The following UPRT variants were observed in gnomAD, a reference collection of about 807,000 sequenced individuals.
UPRT encodes the protein uracil phosphoribosyltransferase homolog, also known as RP11-311P8.3.
In UPRT, 5 loss-of-function variants were observed where a neutral mutation model predicts 22.6. That is an observed-to-expected ratio of 0.22 (90% CI 0.12 to 0.47). The LOEUF (loss-of-function observed/expected upper bound fraction) is 0.47, where lower values mean the gene tolerates loss of function less well. Among genes scored for constraint, UPRT ranks in the 20% least tolerant of loss-of-function variants. The pLI, the probability that UPRT is intolerant of heterozygous loss-of-function variation, is 0.99. For missense variants in UPRT, 181 were observed against 239.9 expected (o/e 0.75, Z 1.62); for synonymous variants, 77 against 87.7 (o/e 0.88, Z 0.68).
At chrX:75,284,704 G>T (rs778730432) in intron 1 of UPRT, among the ~76,000 whole-genome samples, 8 of 111,222 alleles carry the variant, frequency 7.2e-5, no homozygotes, top group African/African-American at 9.8e-5. Context: ...GAGGTGGCAG[G>T]GGGGGGTGCA....
intron 4 of UPRT, among the ~76,000 whole-genome samples, chrX:75,204,831 G>T (rs1217498005): frequency 1.8e-5 from 2 of 111,343 alleles, no homozygotes; most frequent in Non-Finnish European, 3.8e-5. Context: ...AGAAAGAGGG[G>T]AGTGTGACTG....
At chrX:75,216,829 A>C (rs2082394424) in intron 4 of UPRT, among the ~76,000 whole-genome samples, 1 of 112,131 alleles carries the variant, frequency 8.9e-6, no homozygotes, top group Non-Finnish European at 1.9e-5. Flanking sequence ...ATCTCGGCTC[A>C]CTGCAAGCTC....
intron 4 of UPRT, among the ~76,000 whole-genome samples, chrX:75,265,570 TA>T (rs1175268700): frequency 8.9e-6 from 1 of 111,937 alleles, no homozygotes; most frequent in Admixed American, 9.5e-5. Flanking sequence ...TTATTCTAGT[TA>T]TCCATTTGTC....
chrX:75,194,253 T>G (rs2082325673), intron 4 of UPRT, among the ~76,000 whole-genome samples: 1 of 112,058 alleles, frequency 8.9e-6, no homozygotes. Context: ...ATTCCTGAAT[T>G]GCATGCTCTA....
rs367590742 is a variant in UPRT at position 75,206,672 on chromosome X, A to AT, written c.-447+38803dup. ...ATGCTGGGAAAAATGGGCAATAATG[A>AT]TTTTTTTTTTGAGATGGAGTCTTGC... On this transcript the variant is annotated intron_variant, in intron 4 of 13. Coordinates refer to the UPRT transcript ENST00000652605. Among the ~76,000 whole-genome samples, 488 of 107,063 alleles carry AT rather than the reference A, an allele frequency of 4.6e-3. 2 individuals are homozygous for AT. Among genetic ancestry groups the AT allele is most frequent in the African/African-American group, 0.015 (453 of 29,421 alleles). The allele number at this position is 107,063 out of a possible 115,157, so 93.0% of individuals were successfully genotyped here. A position where few individuals can be genotyped will look rare whatever the true frequency, so the allele number is the denominator to read the frequency against.
intron 4 of UPRT, among the ~76,000 whole-genome samples, chrX:75,188,200 T>C (rs1413117412): frequency 8.9e-6 from 1 of 111,953 alleles, no homozygotes; most frequent in Admixed American, 9.5e-5. Flanking sequence ...AGAAGGTTTT[T>C]GGTGTGGATG....
chrX:75,251,611 G>T (rs759036581), intron 4 of UPRT, among the ~76,000 whole-genome samples: 1 of 111,599 alleles, frequency 9.0e-6, no homozygotes, highest in Non-Finnish European at 1.9e-5. Context: ...TAGGAAGAAT[G>T]AATGTCGTGA....
intron 1 of UPRT, among the ~76,000 whole-genome samples, chrX:75,159,770 A>ATTTTT (rs35651743): frequency 2.2e-4 from 10 of 46,321 alleles, no homozygotes; most frequent in Non-Finnish European, 2.8e-4. Flanking sequence ...CTTGCCTTAA[A>ATTTTT]TTTTTTTTTT....
chrX:75,163,992 A>G lies in UPRT; in HGVS notation c.-521+767A>G, dbSNP rs1022708754. Reference sequence around the variant, plus strand: ...CAGGAGTTCAAGACCAGCCTGGCCAACATGGCGAAACCCCATCTCTACTAA... The same window carrying G: ...CAGGAGTTCAAGACCAGCCTGGCCAGCATGGCGAAACCCCATCTCTACTAA... On this transcript the variant is annotated intron_variant, in intron 3 of 13. Transcript: ENST00000652605. Among the ~76,000 whole-genome samples, 21 of 111,194 alleles carry G rather than the reference A, an allele frequency of 1.9e-4. No individual in the cohort carries two copies. The Admixed American group carries it at 2.0e-3, about 11-fold the overall frequency.
intron 4 of UPRT, among the ~76,000 whole-genome samples, chrX:75,168,946 T>C (rs1049112190): frequency 1.8e-5 from 2 of 111,949 alleles, no homozygotes; most frequent in African/African-American, 3.2e-5. Flanking sequence ...CCTTTTCCCC[T>C]GAATCTCCAA....
intron 4 of UPRT, among the ~76,000 whole-genome samples, chrX:75,229,116 C>A (rs962397219): frequency 1.8e-5 from 2 of 111,758 alleles, no homozygotes; most frequent in African/African-American, 3.2e-5. Flanking sequence ...AATAATACTG[C>A]GCTGTAGACT....
chrX:75,230,389 C>CA (rs1461127209), intron 4 of UPRT, among the ~76,000 whole-genome samples: 2 of 111,141 alleles, frequency 1.8e-5, no homozygotes, highest in Non-Finnish European at 3.8e-5. Context: ...CACCCATCAA[C>CA]AAAAAACCCT....
At chrX:75,232,848 GA>G (rs1242691243) in intron 4 of UPRT, among the ~76,000 whole-genome samples, 1 of 111,754 alleles carries the variant, frequency 8.9e-6, no homozygotes, top group South Asian at 3.8e-4. Context: ...AAACAGAGCA[GA>G]AAAACTGGAA....
At chrX:75,288,697 G>A (rs1044357368) in intron 1 of UPRT, among the ~76,000 whole-genome samples, 1 of 111,347 alleles carries the variant, frequency 9.0e-6, no homozygotes, top group African/African-American at 3.3e-5. Flanking sequence ...AATAATAACA[G>A]CCATATATCT....
chrX:75,295,249 T>G (rs1043589492), intron 2 of UPRT, among the ~76,000 whole-genome samples: 8 of 110,946 alleles, frequency 7.2e-5, no homozygotes, highest in African/African-American at 2.6e-4. Context: ...TCTTCTGATT[T>G]TATGCACTCC....
intron 4 of UPRT, among the ~76,000 whole-genome samples, chrX:75,182,092 C>T (rs2082271927): frequency 8.9e-6 from 1 of 112,002 alleles, no homozygotes; most frequent in African/African-American, 3.2e-5. Context: ...TTTTCTGCAT[C>T]TATTGAGATG....
intron 4 of UPRT, among the ~76,000 whole-genome samples, chrX:75,216,967 G>A (rs1334833778): frequency 1.8e-5 from 2 of 111,603 alleles, no homozygotes; most frequent in East Asian, 5.7e-4. Context: ...TGTTAGCCAG[G>A]ATGGTCTCGA....
At chrX:75,223,203 G>A (rs906336443) in intron 4 of UPRT, among the ~76,000 whole-genome samples, 1 of 109,636 alleles carries the variant, frequency 9.1e-6, no homozygotes, top group Non-Finnish European at 1.9e-5. Flanking sequence ...GGCTAAGCTA[G>A]TGACCAAGTT....
At chrX:75,192,734 T>G (rs745996612) in intron 4 of UPRT, among the ~76,000 whole-genome samples, 1 of 112,169 alleles carries the variant, frequency 8.9e-6, no homozygotes, top group Non-Finnish European at 1.9e-5. Context: ...TTGTCTTTTT[T>G]GGTCTTCATT....
Sources: allele counts gnomAD v4.1 joint callset (sites outside exome capture counted in the v4.1 genomes callset), GRCh38; gene constraint gnomAD v4.1.1; transcripts MANE v1.5; gene names NCBI Gene and HGNC (gene_info 2026-07-23, HGNC 2026-07-21).